TMEM201: variants seen among roughly 807,000 people sequenced by gnomAD.
TMEM201 encodes the protein RP13-15M17.2.
Under a neutral mutation model 63.4 loss-of-function variants are expected in TMEM201, and 26 were observed. That is an observed-to-expected ratio of 0.41 (90% CI 0.30 to 0.57). The LOEUF (loss-of-function observed/expected upper bound fraction) is 0.57. TMEM201 is among the 20% of genes least tolerant of loss of function. The pLI is 0.29. For missense variants in TMEM201, 794 were observed against 917.7 expected (o/e 0.87, Z 1.74); for synonymous variants, 417 against 421.6 (o/e 0.99, Z 0.14).
chr1:9,589,144 G>A, intron 1 of TMEM201, 101 bp downstream of exon 1: 1 of 434,718 alleles, frequency 2.3e-6, no homozygotes, highest in Non-Finnish European at 3.0e-6. Flanking sequence ...GACCCGGGCT[G>A]CCCGCGGGCG....
rs750046192 is a variant in TMEM201, at chr1:9,611,776, G to T, written c.1789G>T (p.Gly597Cys). The T allele has an allele frequency of 6.4e-7, 1 of 1,551,294 alleles. No individual in the cohort carries two copies. The highest frequency in any genetic ancestry group is 8.7e-7 in the Non-Finnish European group (1 of 1,147,054). The change falls in exon 10 of 11, where the codon GGC (glycine) becomes TGC (cysteine). Residue 597 changes from glycine (G) to cysteine (C), a missense_variant. By Grantham distance (159) the Gly-to-Cys change is radical. Transcript: ENST00000340381. ...ALDLRSKLER[G>C]SACSNRSIKK... The stretch of plus-strand genomic sequence containing the variant: ...AGACCTGAGATCCAAGCTGGAAAGA[G>T]GCAGTGCCTGCAGCAACCGCTCCAT...
chr1:9,608,977 C>G lies in TMEM201; in HGVS notation c.1394-863C>G, dbSNP rs1017238436. Among the ~76,000 whole-genome samples the G allele has an allele frequency of 2.0e-5, 3 of 152,180 alleles. No individual in the cohort carries two copies. Among genetic ancestry groups the G allele is most frequent in the African/African-American group, 7.2e-5 (3 of 41,450 alleles). On this transcript the variant is annotated intron_variant, in intron 7 of 10. Transcript: ENST00000340381. The surrounding 1 kb of genome is among the most constrained non-coding windows in gnomAD (Gnocchi z 4.3). ...GGCAGGAGTTCCTGCAGGGCTTTGG[C>G]TCATGTATTCAGAGACGCGCTGGAC...
At chr1:9,595,851 G>C (rs1644008105) in intron 1 of TMEM201, 39 bp from the exon 2 acceptor site, 5 of 1,610,036 alleles carry the variant, frequency 3.1e-6, no homozygotes, top group Non-Finnish European at 3.4e-6. Flanking sequence ...GCAGGTGCTG[G>C]GGTCTTCCAG....
chr1:9,601,270 G>A lies in TMEM201; in HGVS notation c.772G>A (p.Ala258Thr). The A allele has an allele frequency of 1.9e-6, 3 of 1,610,734 alleles. No individual in the cohort carries two copies. Among genetic ancestry groups the A allele is most frequent in the Non-Finnish European group, 2.5e-6 (3 of 1,179,832 alleles). The change falls in exon 5 of 11, where the codon GCC becomes ACC. Residue 258 changes from alanine to threonine, a missense_variant. By Grantham distance (58) the Ala-to-Thr change is moderately conservative. Coordinates refer to ENST00000340381, the MANE Select transcript of TMEM201 (RefSeq NM_001130924.3). ...LALPPGGNGS[A>T]TPDNGTTPGA... ...CCTGCCACCTGGTGGCAATGGCTCA[G>A]CCACACCTGACAATGGCACCACCCC...
chr1:9,607,661 C>T lies in TMEM201; in HGVS notation c.1265C>T (p.Pro422Leu), dbSNP rs1232754162. The change falls in exon 7 of 11, where the codon CCG (proline) becomes CTG (leucine). Residue 422 changes from proline to leucine, a missense_variant. Physicochemically the swap from Pro to Leu is moderately conservative, Grantham distance 98 (BLOSUM62 -3). Coordinates refer to ENST00000340381, the MANE Select transcript of TMEM201 (RefSeq NM_001130924.3). The surrounding 1 kb of genome is among the most constrained non-coding windows in gnomAD (Gnocchi z 5.4). Reference protein sequence around the residue: ...GSPASLFIPSPPSFLPLANQQ... With the variant: ...GSPASLFIPSLPSFLPLANQQ... ...CCAGCGTCTCTGTTCATCCCCAGCC[C>T]GCCCAGCTTCCTGCCCCTCGCCAAC... 3.2e-6 allele frequency: 5 copies of T among 1,551,960 alleles called. No individual in the cohort carries two copies. The highest frequency in any genetic ancestry group is 2.4e-5 in the East Asian group (1 of 40,920).
Position 9,607,699 on chromosome 1 carries a change from C to T in TMEM201, c.1303C>T (p.Arg435Trp), listed in dbSNP as rs576748315. 3.0e-5 allele frequency: 46 copies of T among 1,551,948 alleles called. No individual in the cohort carries two copies. The highest frequency in any genetic ancestry group is 2.5e-4 in the South Asian group (21 of 84,060). The change falls in exon 7 of 11, where the codon CGG becomes TGG. Residue 435 changes from arginine to tryptophan, a missense_variant. Transcript: ENST00000340381. The surrounding 1 kb of genome is among the most constrained non-coding windows in gnomAD (Gnocchi z 5.4). ...FLPLANQQLFRSPRRTSPSSL... is the reference protein window; with the variant it reads ...FLPLANQQLFWSPRRTSPSSL... ...GCCCCTCGCCAACCAGCAGCTCTTC[C>T]GGTCTCCTCGACGGACCTCACCCTC...
chr1:9,598,673 C>T, intron 4 of TMEM201, 48 bp downstream of exon 4: 2 of 1,576,374 alleles, frequency 1.3e-6, no homozygotes, highest in Non-Finnish European at 1.7e-6. Context: ...TGAGTTTGTT[C>T]AGGAAACCCT....
At chr1:9,591,242 G>T (rs1255384671) in intron 1 of TMEM201, among the ~76,000 whole-genome samples, 2 of 152,222 alleles carry the variant, frequency 1.3e-5, no homozygotes, top group African/African-American at 2.4e-5. Flanking sequence ...TGCCAGGGCG[G>T]GCTCTACTGT....
At position 9,608,593 on chromosome 1, in the gene TMEM201, T is replaced by C. The variant is rs1286058664; in HGVS notation, c.1393+804T>C. Among the ~76,000 whole-genome samples, 1 of 152,046 alleles carries C rather than the reference T, an allele frequency of 6.6e-6. No individual in the cohort carries two copies. The highest frequency in any genetic ancestry group is 2.4e-5 in the African/African-American group (1 of 41,392). ...GGTGGCACTTGAATGGAACTTGGGG[T>C]GGGAGGTGCCAGGAGCAGCCCTGCC... On this transcript the variant is annotated intron_variant, in intron 7 of 10. Coordinates refer to ENST00000340381, the MANE Select transcript of TMEM201 (RefSeq NM_001130924.3). This position sits in a 1 kb window ranked among gnomAD's most constrained non-coding sequence, Gnocchi z 4.3.
rs1412309325 is a variant in TMEM201 at position 9,603,029 on chromosome 1, C to T, written c.1160+757C>T. 1.0e-6 allele frequency: 1 copy of T among 985,422 alleles called. No homozygotes were observed. Among genetic ancestry groups the T allele is most frequent in the Non-Finnish European group, 1.2e-6 (1 of 830,012 alleles). The allele number at this position is 985,422 out of a possible 1,614,324, so 61.0% of individuals were successfully genotyped here. A position where few individuals can be genotyped will look rare whatever the true frequency, so the allele number is the denominator to read the frequency against. On this transcript the variant is annotated intron_variant, in intron 6 of 10. Coordinates refer to ENST00000340381, the MANE Select transcript of TMEM201 (RefSeq NM_001130924.3). This position sits in a 1 kb window ranked among gnomAD's most constrained non-coding sequence, Gnocchi z 4.5. ...CCCACCTGAGACAGGCAGTAGGAGC[C>T]TGTGCTGACCTTGGGGAATCTGAGC...
intron 1 of TMEM201, among the ~76,000 whole-genome samples, chr1:9,594,244 G>A (rs563128511): frequency 6.6e-6 from 1 of 152,230 alleles, no homozygotes; most frequent in Non-Finnish European, 1.5e-5. Context: ...CCGTTTCGTC[G>A]CTGGTCTGCA....
rs562071724 is a variant in TMEM201 at position 9,610,878 on chromosome 1, G to T, written c.1765+73G>T. On this transcript the variant is annotated intron_variant, in intron 9 of 10. Coordinates refer to ENST00000340381, the MANE Select transcript of TMEM201 (RefSeq NM_001130924.3). The surrounding 1 kb of genome is among the most constrained non-coding windows in gnomAD (Gnocchi z 4.9). ...CCAAGAGGCCTGGCTGTGCGGCGGT[G>T]GGGGGGCTCATCCTTGCTCTGACTC... 4.6e-5 allele frequency: 69 copies of T among 1,489,624 alleles called. No individual in the cohort carries two copies. The highest frequency in any genetic ancestry group is 3.2e-4 in the East Asian group (13 of 40,284). 92.3% of individuals were successfully genotyped at this position (1,489,624 alleles called of 1,614,324 possible). A position where few individuals can be genotyped will look rare whatever the true frequency, so the allele number is the denominator to read the frequency against.
At chr1:9,606,709 C>T (rs1644250511) in intron 6 of TMEM201, 1 of 152,338 alleles carries the variant, frequency 6.6e-6, no homozygotes, top group African/African-American at 2.4e-5. Context: ...CCCTCTCTTC[C>T]CTCTGTAATT....
intron 3 of TMEM201, among the ~76,000 whole-genome samples, chr1:9,597,256 C>T (rs1327526419): frequency 6.6e-6 from 1 of 152,162 alleles, no homozygotes; most frequent in Non-Finnish European, 1.5e-5. Flanking sequence ...GTTCTTCTGA[C>T]CCCGTTGGAG....
Position 9,604,017 on chromosome 1 carries a change from GA to G in TMEM201, c.1160+1747del. 3 of 985,446 alleles carry G rather than the reference GA, an allele frequency of 3.0e-6. No individual in the cohort carries two copies. The highest frequency in any genetic ancestry group is 3.6e-6 in the Non-Finnish European group (3 of 829,958). 61.0% of individuals were successfully genotyped at this position (985,446 alleles called of 1,614,324 possible). The stretch of plus-strand genomic sequence containing the variant: ...CCATGGTGTCTACCTGAGGGGCAGG[GA>G]ACCGCCTGCCTGTGCACTCACGCCA... On this transcript the variant is annotated intron_variant, in intron 6 of 10. Transcript: ENST00000340381. This position sits in a 1 kb window ranked among gnomAD's most constrained non-coding sequence, Gnocchi z 4.1.
chr1:9,603,248 C>T lies in TMEM201; in HGVS notation c.1160+976C>T, dbSNP rs1364260690. Reference sequence around the variant, plus strand: ...TCAGTAGCAGGGCCTGGCCAGGCCCCTGCTGTTCTCAGCCTCAGTTTGCCA... The same window carrying T: ...TCAGTAGCAGGGCCTGGCCAGGCCCTTGCTGTTCTCAGCCTCAGTTTGCCA... On this transcript the variant is annotated intron_variant, in intron 6 of 10. Transcript: ENST00000340381. This position sits in a 1 kb window ranked among gnomAD's most constrained non-coding sequence, Gnocchi z 4.5. 7 of 984,838 alleles carry T rather than the reference C, an allele frequency of 7.1e-6. No individual in the cohort carries two copies. The highest frequency in any genetic ancestry group is 8.4e-6 in the Non-Finnish European group (7 of 829,502). 61.0% of individuals were successfully genotyped at this position (984,838 alleles called of 1,614,324 possible). A position where few individuals can be genotyped will look rare whatever the true frequency, so the allele number is the denominator to read the frequency against.
In TMEM201 at chr1:9,613,174, C is replaced by A; in HGVS notation, c.*91C>A. On this transcript the variant is annotated 3_prime_UTR_variant, in exon 11 of 11. Transcript: ENST00000340381. ...GGACCCTCCCTGGAGGGGCTGCCAC[C>A]TCTGCCCTCATCTCCAGGGCCTTGA... 1 of 1,274,172 alleles carries A rather than the reference C, an allele frequency of 7.8e-7. No individual in the cohort carries two copies. The highest frequency in any genetic ancestry group is 1.1e-6 in the Non-Finnish European group (1 of 908,712). The allele number at this position is 1,274,172 out of a possible 1,614,324, so 78.9% of individuals were successfully genotyped here.
chr1:9,612,835 G>C (rs1644342997), intron 10 of TMEM201, 151 bp from the exon 11 acceptor site: 2 of 654,286 alleles, frequency 3.1e-6, no homozygotes, highest in Non-Finnish European at 5.3e-6. Flanking sequence ...CTTTGGCCAA[G>C]AGAAGAATTG....
chr1:9,598,960 T>A (rs557285468), intron 4 of TMEM201, among the ~76,000 whole-genome samples: 11 of 151,516 alleles, frequency 7.3e-5, no homozygotes, highest in Middle Eastern at 3.4e-3. Context: ...TTTTTTTTTT[T>A]AAACAGAGTC....
Sources: allele counts gnomAD v4.1 joint callset (sites outside exome capture counted in the v4.1 genomes callset), GRCh38; gene constraint gnomAD v4.1.1; non-coding constraint Gnocchi (gnomAD v3.1); transcripts MANE v1.5; gene names NCBI Gene and HGNC (gene_info 2026-07-23, HGNC 2026-07-21).